CASP10: variants seen among roughly 807,000 people sequenced by gnomAD.
CASP10 encodes caspase 10.
A neutral mutation model predicts 48.5 loss-of-function variants in CASP10; 41 were observed. The observed-to-expected ratio is 0.85, with a 90% CI of 0.66 to 1.10. The LOEUF (loss-of-function observed/expected upper bound fraction) is 1.10, where lower values mean the gene tolerates loss of function less well. Among genes scored for constraint, CASP10 ranks in the 50% least tolerant of loss-of-function variants. The pLI is 0.00. For synonymous variants in CASP10, 232 were observed against 238.4 expected (o/e 0.97, Z 0.25); for missense variants, 614 against 614.5 (o/e 1.00, Z 0.01).
intron 5 of CASP10, among the ~76,000 whole-genome samples, chr2:201,201,927 T>G (rs1945033599): frequency 6.6e-6 from 1 of 152,190 alleles, no homozygotes; most frequent in Non-Finnish European, 1.5e-5. Flanking sequence ...CTCAGCCCCC[T>G]GCAACTTCAG....
chr2:201,202,956 TTA>T (rs1346697623), intron 5 of CASP10, among the ~76,000 whole-genome samples: 1 of 152,184 alleles, frequency 6.6e-6, no homozygotes, highest in Non-Finnish European at 1.5e-5. Flanking sequence ...GTTTTTTGAT[TTA>T]TCTTATTACT....
Position 201,193,159 on chromosome 2 carries a change from A to G in CASP10, c.577+40A>G. The G allele has an allele frequency of 1.9e-6, 3 of 1,602,942 alleles. No homozygotes were observed. The South Asian group carries it at 3.3e-5, about 18-fold the overall frequency. On this transcript the variant is annotated intron_variant, in intron 4 of 9. Coordinates refer to ENST00000286186, the MANE Select transcript of CASP10 (RefSeq NM_032977.4). ...ATTGCTAACTTGGACCAGACCATGG[A>G]AATTCTTAAACCAATTGGCCATGCA...
At chr2:201,205,209 T>TTTTCA (rs779615658) in intron 6 of CASP10, among the ~76,000 whole-genome samples, 18 of 147,020 alleles carry the variant, frequency 1.2e-4, no homozygotes, top group Non-Finnish European at 1.7e-4. Flanking sequence ...TTCCCCTCTT[T>TTTTCA]TTTCTTTTCT....
chr2:201,229,360 G>A (rs1945831912), exon 10 of CASP10: 1 of 499,586 alleles, frequency 2.0e-6, no homozygotes, highest in Non-Finnish European at 3.6e-6. Context: ...TAAACAAATG[G>A]TCCATGGGGA....
intron 2 of CASP10, among the ~76,000 whole-genome samples, chr2:201,187,111 C>T (rs1223378848): frequency 6.6e-6 from 1 of 152,242 alleles, no homozygotes; most frequent in Non-Finnish European, 1.5e-5. Context: ...AGCGGTGGAA[C>T]TGGCTTCCAG....
intron 5 of CASP10, among the ~76,000 whole-genome samples, chr2:201,200,094 T>C (rs2126031666): frequency 6.6e-6 from 1 of 152,330 alleles, no homozygotes; most frequent in South Asian, 2.1e-4. Flanking sequence ...GGGCATCCCA[T>C]CTGGAAATAC....
rs758434157 is a variant in CASP10 at position 201,203,781 on chromosome 2, T to C, written c.721+15T>C. 3.1e-6 allele frequency: 5 copies of C among 1,609,120 alleles called. No homozygotes were observed. The highest frequency in any genetic ancestry group is 4.3e-6 in the Non-Finnish European group (5 of 1,175,578). On this transcript the variant is annotated intron_variant, in intron 6 of 9. Coordinates refer to ENST00000286186, the MANE Select transcript of CASP10 (RefSeq NM_032977.4). The stretch of plus-strand genomic sequence containing the variant: ...AGGTAGTAATGGTAGGTATTTCTAA[T>C]GTACTTTTTACAACTTAGATCGGTA...
At position 201,193,108 on chromosome 2, in the gene CASP10, A is replaced by G; in HGVS notation, c.566A>G (p.Lys189Arg). 6.2e-7 allele frequency: 1 copy of G among 1,613,702 alleles called. No individual in the cohort carries two copies. The highest frequency in any genetic ancestry group is 1.1e-5 in the South Asian group (1 of 91,058). Residue 189 changes from lysine (K) to arginine (R), a missense_variant, in exon 4 of 10, where the codon AAA becomes AGA. Transcript: ENST00000286186. ...PKLLRNIEKY[K>R]REKAIQIVTP... ...CTTTTGAGAAACATAGAGAAATACA[A>G]AAGAGAGAAAGGTAAGTAGCTTGTG...
intron 5 of CASP10, among the ~76,000 whole-genome samples, chr2:201,202,777 G>C (rs982158945): frequency 7.9e-5 from 12 of 152,178 alleles, no homozygotes; most frequent in Admixed American, 2.6e-4. Flanking sequence ...AAGGCTGACG[G>C]CTGAGAGTCA....
chr2:201,221,180 TTACCCC>T lies in CASP10; in HGVS notation c.*3441_*3446del, dbSNP rs1221574832. 1 of 985,296 alleles carries T rather than the reference TTACCCC, an allele frequency of 1.0e-6. No homozygotes were observed. Among genetic ancestry groups the T allele is most frequent in the African/African-American group, 1.7e-5 (1 of 57,226 alleles). The allele number at this position is 985,296 out of a possible 1,614,324, so 61.0% of individuals were successfully genotyped here. On this transcript the variant is annotated 3_prime_UTR_variant, in exon 10 of 10. Coordinates refer to ENST00000286186, the MANE Select transcript of CASP10 (RefSeq NM_032977.4). ...TATTAGCGGCAACTCAGCACTAGCA[TTACCCC>T]TGACATACTCTGAGTAAGATCTAAT...
rs750875105 is a variant in CASP10 at position 201,206,016 on chromosome 2, T to C, written c.813+43T>C. On this transcript the variant is annotated intron_variant, in intron 7 of 9. Coordinates refer to ENST00000286186, the MANE Select transcript of CASP10 (RefSeq NM_032977.4). Reference sequence around the variant, plus strand: ...TATTCCTTTTTTAATAAAAAAATTTTTTTTCCAAATTTAATCAAAAGGACG... The same window carrying C: ...TATTCCTTTTTTAATAAAAAAATTTCTTTTCCAAATTTAATCAAAAGGACG... 2.7e-5 allele frequency: 36 copies of C among 1,316,940 alleles called. No homozygotes were observed. In the East Asian group the frequency reaches 5.3e-4, roughly 20 times the overall value. The allele number at this position is 1,316,940 out of a possible 1,614,324, so 81.6% of individuals were successfully genotyped here.
chr2:201,224,838 A>G (rs13429625), downstream of CASP10, among the ~76,000 whole-genome samples: 8,490 of 152,310 alleles, frequency 0.056, 356 homozygotes, highest in African/African-American at 0.1. Context: ...ATAGTAATGT[A>G]TGTTCATTAT....
At chr2:201,202,195 G>T (rs1435706219) in intron 5 of CASP10, among the ~76,000 whole-genome samples, 1 of 152,114 alleles carries the variant, frequency 6.6e-6, no homozygotes, top group Non-Finnish European at 1.5e-5. Context: ...TTAAGGAGAG[G>T]CATGTCTCTC....
chr2:201,215,987 G>A (rs1037578769), intron 9 of CASP10, among the ~76,000 whole-genome samples: 9 of 151,780 alleles, frequency 5.9e-5, no homozygotes, highest in African/African-American at 2.2e-4. Context: ...AAATCTGTAG[G>A]TCACCTTGGG....
intron 2 of CASP10, among the ~76,000 whole-genome samples, chr2:201,187,426 G>A (rs932485983): frequency 6.6e-6 from 1 of 151,606 alleles, no homozygotes; most frequent in Non-Finnish European, 1.5e-5. Flanking sequence ...TGTGTTTTAT[G>A]CCTTTTTTTT....
In CASP10 at chr2:201,186,354, G is replaced by A. The variant is rs1014195487; in HGVS notation, c.347+230G>A. ...CTGGGCCCAGAGGTGGCTTCCCTTT[G>A]TTTTGCTTCTCACTAGCAGTGAAGC... On this transcript the variant is annotated intron_variant, in intron 2 of 9. Transcript: ENST00000286186. 7.7e-6 allele frequency: 4 copies of A among 519,420 alleles called. No individual in the cohort carries two copies. The East Asian group carries it at 1.0e-4, about 13-fold the overall frequency. 32.2% of individuals were successfully genotyped at this position (519,420 alleles called of 1,614,324 possible). A position where few individuals can be genotyped will look rare whatever the true frequency, so the allele number is the denominator to read the frequency against.
Position 201,209,142 on chromosome 2 carries a change from T to C in CASP10, c.995T>C (p.Met332Thr). ...CACAATAATGTGACGAAAGTGGAAA[T>C]GGAGATGGTCCTGCAGAAGCAGAAG... ...HIHNNVTKVE[M>T]EMVLQKQKCN... Residue 332 changes from methionine to threonine, a missense_variant, in exon 9 of 10, where the codon ATG becomes ACG. Transcript: ENST00000286186. 1 of 1,610,842 alleles carries C rather than the reference T, an allele frequency of 6.2e-7. No homozygotes were observed. Among genetic ancestry groups the C allele is most frequent in the Non-Finnish European group, 8.5e-7 (1 of 1,179,230 alleles).
In CASP10 at chr2:201,186,060, C is replaced by T. The variant is rs753639297; in HGVS notation, c.283C>T (p.Leu95Phe). 6.2e-7 allele frequency: 1 copy of T among 1,612,706 alleles called. No individual in the cohort carries two copies. Among genetic ancestry groups the T allele is most frequent in the Non-Finnish European group, 8.5e-7 (1 of 1,180,014 alleles). Reference protein sequence around the residue: ...IIRQKKLLQHLNCTKEEVERL... With the variant: ...IIRQKKLLQHFNCTKEEVERL... ...ACGGCAGAAGAAGCTGCTGCAGCAC[C>T]TCAACTGTACCAAAGAGGAAGTGGA... The change falls in exon 2 of 10, where the codon CTC (leucine) becomes TTC (phenylalanine). Residue 95 changes from leucine (L) to phenylalanine (F), a missense_variant. Leu to Phe is a conservative substitution (Grantham distance 22, BLOSUM62 0). Transcript: ENST00000286186.
At chr2:201,184,415 C>T (rs1576055179) in intron 1 of CASP10, among the ~76,000 whole-genome samples, 1 of 152,098 alleles carries the variant, frequency 6.6e-6, no homozygotes, top group Non-Finnish European at 1.5e-5. Context: ...CCTCCATCCC[C>T]GGGGCTCAAA....
Sources: gnomAD v4.1 joint callset for allele counts (sites outside exome capture counted in the v4.1 genomes callset) on GRCh38, gnomAD v4.1.1 for gene constraint, MANE v1.5 for transcripts, NCBI Gene and HGNC (gene_info 2026-07-23, HGNC 2026-07-21) for gene names.